Variants in RMST observed in about 807,000 individuals in gnomAD.
RMST encodes rhabdomyosarcoma 2 associated transcript.
chr12:97,482,194 T>C (rs1875380730), intron 5 of RMST, among the ~76,000 whole-genome samples: 1 of 152,202 alleles, frequency 6.6e-6, no homozygotes, highest in East Asian at 1.9e-4. Context: ...CAGTTTTTAT[T>C]AACGTCTTGG....
chr12:97,504,100 A>T (rs1429895849), intron 10 of RMST, among the ~76,000 whole-genome samples: 1 of 152,026 alleles, frequency 6.6e-6, no homozygotes, highest in Non-Finnish European at 1.5e-5. Flanking sequence ...TCACTATGTT[A>T]GCCAGGCGGT....
chr12:97,483,507 G>A (rs1347848810), intron 5 of RMST: 1 of 152,126 alleles, frequency 6.6e-6, no homozygotes, highest in Non-Finnish European at 1.5e-5. Flanking sequence ...CCGTAAGCCA[G>A]AAAAGATGGC....
At chr12:97,486,903 C>T (rs893417353) in intron 5 of RMST, among the ~76,000 whole-genome samples, 18 of 152,112 alleles carry the variant, frequency 1.2e-4, no homozygotes, top group Admixed American at 9.8e-4. Flanking sequence ...TCATGCTATA[C>T]GACTTGTAAT....
intron 11 of RMST, among the ~76,000 whole-genome samples, chr12:97,531,879 A>G (rs753448569): frequency 1.3e-5 from 2 of 152,020 alleles, no homozygotes; most frequent in African/African-American, 2.4e-5. Flanking sequence ...TTTGCACAGC[A>G]TATCTATTTT....
At chr12:97,477,925 G>T (rs1874754607) in intron 5 of RMST, among the ~76,000 whole-genome samples, 1 of 152,206 alleles carries the variant, frequency 6.6e-6, no homozygotes, top group African/African-American at 2.4e-5. Flanking sequence ...ATTGCAATCT[G>T]TGTGGTAAAG....
intron 5 of RMST, among the ~76,000 whole-genome samples, chr12:97,488,753 G>A (rs73384760): frequency 0.05 from 7,541 of 152,176 alleles, 653 homozygotes; most frequent in African/African-American, 0.17. Flanking sequence ...GTTTCAATCC[G>A]TTCCGTTTTC....
chr12:97,518,609 G>A (rs534801790), intron 10 of RMST, among the ~76,000 whole-genome samples: 9 of 152,200 alleles, frequency 5.9e-5, no homozygotes, highest in Admixed American at 3.3e-4. Flanking sequence ...AATGTTAGGC[G>A]ATTCTCAAGA....
intron 10 of RMST, among the ~76,000 whole-genome samples, chr12:97,517,082 T>C (rs891247634): frequency 1.3e-5 from 2 of 152,004 alleles, no homozygotes; most frequent in Non-Finnish European, 2.9e-5. Context: ...AAAGATTAGA[T>C]ATTATAAACT....
At chr12:97,475,588 T>TTG (rs1555229366) in intron 5 of RMST, among the ~76,000 whole-genome samples, 4,608 of 56,332 alleles carry the variant, frequency 0.082, 110 homozygotes, top group Non-Finnish European at 0.11. Context: ...TTTTTTTTTG[T>TTG]TTTTTTTTTT....
intron 11 of RMST, among the ~76,000 whole-genome samples, chr12:97,550,413 G>A (rs78253450): frequency 0.01 from 1,563 of 151,972 alleles, 27 homozygotes; most frequent in African/African-American, 0.033. Flanking sequence ...ATAAATAAAT[G>A]AATAATAAAA....
chr12:97,510,012 CAT>C (rs1279091511), intron 10 of RMST, among the ~76,000 whole-genome samples: 3 of 152,084 alleles, frequency 2.0e-5, no homozygotes, highest in African/African-American at 4.8e-5. Flanking sequence ...ATGTTTGACA[CAT>C]AGAGGGTGGT....
At chr12:97,537,458 TCTTTATCTTCACGAGCAAAAG>T (rs1278052944) in intron 11 of RMST, among the ~76,000 whole-genome samples, 3 of 151,450 alleles carry the variant, frequency 2.0e-5, no homozygotes, top group South Asian at 2.1e-4. Context: ...CTTGTCTCAT[TCTTTATCTTCACGAGCAAAAG>T]GAGATTTTTA....
intron 10 of RMST, among the ~76,000 whole-genome samples, chr12:97,503,365 T>C (rs1054409633): frequency 2.0e-5 from 3 of 152,068 alleles, no homozygotes; most frequent in Non-Finnish European, 2.9e-5. Context: ...AGACTTTAGT[T>C]TGAAAAAATT....
At chr12:97,525,587 A>T (rs1881013555) in intron 10 of RMST, among the ~76,000 whole-genome samples, 1 of 152,162 alleles carries the variant, frequency 6.6e-6, no homozygotes, top group Non-Finnish European at 1.5e-5. Context: ...CCCAGACCCA[A>T]GTTTCCCTAC....
chr12:97,519,059 C>T (rs1020446312), intron 10 of RMST, among the ~76,000 whole-genome samples: 7 of 152,158 alleles, frequency 4.6e-5, no homozygotes, highest in African/African-American at 1.4e-4. Context: ...ATTACAGGCA[C>T]GAACCACTGC....
At chr12:97,542,093 G>A (rs911421544) in intron 11 of RMST, among the ~76,000 whole-genome samples, 1 of 151,848 alleles carries the variant, frequency 6.6e-6, no homozygotes, top group Non-Finnish European at 1.5e-5. Context: ...CTGGGTAGTG[G>A]AATATGAAAG....
chr12:97,512,481 C>T (rs1879468769), intron 10 of RMST, among the ~76,000 whole-genome samples: 1 of 152,204 alleles, frequency 6.6e-6, no homozygotes, highest in Admixed American at 6.5e-5. Context: ...TGACAGGGCA[C>T]TGATTGGTGC....
At chr12:97,517,202 G>A (rs1448576110) in intron 10 of RMST, among the ~76,000 whole-genome samples, 3 of 151,884 alleles carry the variant, frequency 2.0e-5, no homozygotes, top group South Asian at 2.1e-4. Context: ...TTTAAAGACC[G>A]TAATTTCACT....
At chr12:97,529,311 A>G (rs1592748257) in intron 10 of RMST, among the ~76,000 whole-genome samples, 1 of 152,180 alleles carries the variant, frequency 6.6e-6, no homozygotes, top group East Asian at 1.9e-4. Flanking sequence ...TGGGCCCTCC[A>G]TGGCAGGAGT....
Sources: gnomAD v4.1 joint callset for allele counts (sites outside exome capture counted in the v4.1 genomes callset) on GRCh38, gnomAD v4.1.1 for gene constraint, MANE v1.5 for transcripts, NCBI Gene and HGNC (gene_info 2026-07-23, HGNC 2026-07-21) for gene names.